LRPPRC: variants seen among roughly 807,000 people sequenced by gnomAD.
LRPPRC encodes leucine rich pentatricopeptide repeat containing.
A neutral mutation model predicts 180.3 loss-of-function variants in LRPPRC; 120 were observed. That is an observed-to-expected ratio of 0.67 (90% confidence interval 0.57 to 0.77). The LOEUF (loss-of-function observed/expected upper bound fraction) is 0.77, where lower values mean the gene tolerates loss of function less well. Among genes scored for constraint, LRPPRC ranks in the 30% least tolerant of loss-of-function variants. LRPPRC has a pLI of 0.00. For synonymous variants in LRPPRC, 723 were observed against 600.0 expected, an observed-to-expected ratio of 1.21 and a Z score of -3.00; for missense variants, 2,012 against 1,657.2, an observed-to-expected ratio of 1.21 and a Z score of -3.72.
At chr2:43,919,905 A>G (rs1464857562) in intron 27 of LRPPRC, among the ~76,000 whole-genome samples, 5 of 151,998 alleles carry the variant, frequency 3.3e-5, no homozygotes, top group Non-Finnish European at 7.4e-5. Flanking sequence ...CAACATGAAT[A>G]CATTTGTTCC....
At chr2:43,990,380 G>A (rs543413707) in intron 1 of LRPPRC, among the ~76,000 whole-genome samples, 1 of 152,190 alleles carries the variant, frequency 6.6e-6, no homozygotes, top group African/African-American at 2.4e-5. Context: ...CTCGTTGAAG[G>A]CCTATTACTG....
intron 13 of LRPPRC, among the ~76,000 whole-genome samples, chr2:43,957,885 G>C (rs1344613028): frequency 6.6e-6 from 1 of 152,162 alleles, no homozygotes; most frequent in Non-Finnish European, 1.5e-5. Flanking sequence ...GTTGGGTTCT[G>C]TTGAACCATT....
At chr2:43,893,745 T>C (rs1378676601) in intron 36 of LRPPRC, among the ~76,000 whole-genome samples, 1 of 152,164 alleles carries the variant, frequency 6.6e-6, no homozygotes, top group Non-Finnish European at 1.5e-5. Flanking sequence ...TACTGGAAAT[T>C]TGATAAATTT....
intron 11 of LRPPRC, among the ~76,000 whole-genome samples, chr2:43,972,579 G>A (rs1396720562): frequency 6.6e-6 from 1 of 152,172 alleles, no homozygotes; most frequent in East Asian, 1.9e-4. Context: ...ACCTTTTGGA[G>A]CTTTCAGACT....
At chr2:43,920,043 C>T (rs1459411262) in intron 27 of LRPPRC, among the ~76,000 whole-genome samples, 2 of 48,150 alleles carry the variant, frequency 4.2e-5, no homozygotes, top group African/African-American at 1.6e-4. Context: ...GAACAAAAAA[C>T]AAAGCATACT....
chr2:43,899,271 A>T lies in LRPPRC; in HGVS notation c.3773T>A (p.Phe1258Tyr). ...FAIYKPVTDF[F>Y]LQLVDAGKVD... is the part of the protein sequence containing the mutation. Reference sequence around the variant, plus strand: ...CTTGCCTGCATCCACAAGTTGAAGGAAAAAATCAGTGACAGGTTTATAAAT... The same window carrying T: ...CTTGCCTGCATCCACAAGTTGAAGGTAAAAATCAGTGACAGGTTTATAAAT... The change falls in exon 34 of 38, where the codon TTC becomes TAC. Residue 1258 changes from phenylalanine (F) to tyrosine (Y), a missense_variant. Physicochemically the swap from Phe to Tyr is conservative, Grantham distance 22. Transcript: ENST00000260665. The T allele has an allele frequency of 1.9e-6, 3 of 1,614,138 alleles. No homozygotes were observed. The highest frequency in any genetic ancestry group is 2.5e-6 in the Non-Finnish European group (3 of 1,179,976).
Position 43,972,760 on chromosome 2 carries a change from T to C in LRPPRC, c.1369+847A>G, listed in dbSNP as rs146724758. Among the ~76,000 whole-genome samples, 57 of 152,348 alleles carry C rather than the reference T, an allele frequency of 3.7e-4. No individual in the cohort carries two copies. The East Asian group carries it at 0.01, about 27-fold the overall frequency. On this transcript the variant is annotated intron_variant, in intron 11 of 37. Coordinates refer to ENST00000260665, the MANE Select transcript of LRPPRC (RefSeq NM_133259.4). ...AAAATAAAATTGCAATATGAAAGTC[T>C]GCTAAAAGCACTTTTTTTGTTGTTT...
At chr2:43,937,089 A>T (rs766889705) in intron 23 of LRPPRC, among the ~76,000 whole-genome samples, 62 of 152,194 alleles carry the variant, frequency 4.1e-4, no homozygotes, top group Admixed American at 9.2e-4. Flanking sequence ...TTCCCCCTAC[A>T]TTAGGTCAAA....
chr2:43,963,407 G>GA, intron 12 of LRPPRC, 181 bp downstream of exon 12: 1 of 639,462 alleles, frequency 1.6e-6, no homozygotes, highest in South Asian at 1.9e-5. Context: ...TTGTGCCATT[G>GA]CACTCCTGCC....
chr2:43,994,605 C>CTCTGCACTG (rs750167522), intron 1 of LRPPRC, among the ~76,000 whole-genome samples: 1 of 152,072 alleles, frequency 6.6e-6, no homozygotes, highest in Non-Finnish European at 1.5e-5. Context: ...AGGCTGCAGT[C>CTCTGCACTG]TGGGCCCAGC....
At chr2:43,958,454 C>G (rs1419513696) in intron 13 of LRPPRC, among the ~76,000 whole-genome samples, 1 of 152,116 alleles carries the variant, frequency 6.6e-6, no homozygotes, top group Non-Finnish European at 1.5e-5. Context: ...CCAAAAATAA[C>G]AAATTAACCC....
At chr2:43,949,790 A>C (rs1672830005) in intron 15 of LRPPRC, 131 bp from the exon 16 acceptor site, 1 of 700,370 alleles carries the variant, frequency 1.4e-6, no homozygotes. Flanking sequence ...GTAATTCAAA[A>C]CCACCCCCAC....
intron 1 of LRPPRC, among the ~76,000 whole-genome samples, chr2:43,984,306 C>T (rs535996502): frequency 2.0e-5 from 3 of 152,228 alleles, no homozygotes; most frequent in African/African-American, 7.2e-5. Context: ...AAGTTTTTTA[C>T]ACAATGCAAA....
intron 3 of LRPPRC, among the ~76,000 whole-genome samples, chr2:43,979,560 T>A (rs1674212351): frequency 6.6e-6 from 1 of 152,208 alleles, no homozygotes; most frequent in South Asian, 2.1e-4. Flanking sequence ...TATGTGCATT[T>A]ATAACTTTGA....
At chr2:43,940,582 G>C (rs1321827274) in intron 23 of LRPPRC, among the ~76,000 whole-genome samples, 1 of 152,076 alleles carries the variant, frequency 6.6e-6, no homozygotes. Context: ...ATCCTTAATG[G>C]AAAGCAGAAA....
At chr2:43,954,821 C>A (rs1044282610) in intron 14 of LRPPRC, among the ~76,000 whole-genome samples, 1 of 152,006 alleles carries the variant, frequency 6.6e-6, no homozygotes, top group Admixed American at 6.6e-5. Context: ...GGAATCCCCT[C>A]CAGATATAAA....
chr2:43,933,321 T>C (rs1672156607), intron 25 of LRPPRC, among the ~76,000 whole-genome samples: 1 of 152,124 alleles, frequency 6.6e-6, no homozygotes, highest in Non-Finnish European at 1.5e-5. Context: ...TGATAAGCAG[T>C]CATCAATACA....
chr2:43,912,105 C>A (rs1387833060), intron 30 of LRPPRC, among the ~76,000 whole-genome samples: 3 of 152,244 alleles, frequency 2.0e-5, no homozygotes, highest in African/African-American at 4.8e-5. Context: ...AGGCTGCTCC[C>A]ACCACAAAAG....
intron 27 of LRPPRC, among the ~76,000 whole-genome samples, chr2:43,924,669 C>T (rs4952693): frequency 0.52 from 79,613 of 151,892 alleles, 23,065 homozygotes; most frequent in East Asian, 0.96. Flanking sequence ...GCAAGATAAG[C>T]ATCTTTTTGC....
Sources: allele counts gnomAD v4.1 joint callset (sites outside exome capture counted in the v4.1 genomes callset), GRCh38; gene constraint gnomAD v4.1.1; transcripts MANE v1.5; gene names NCBI Gene and HGNC (gene_info 2026-07-23, HGNC 2026-07-21).